Variants in SEMA4C observed in about 807,000 individuals in gnomAD.
SEMA4C encodes semaphorin-4C.
SEMA4C carries 19 observed loss-of-function variants against 89.0 expected under a neutral mutation model. That is an observed-to-expected ratio of 0.21 (90% CI 0.15 to 0.31). The LOEUF is 0.31. SEMA4C is among the 10% of genes least tolerant of loss of function. SEMA4C has a pLI of 1.00. For missense variants in SEMA4C, 811 were observed against 1,107.0 expected (o/e 0.73, Z 3.79); for synonymous variants, 428 against 472.7 (o/e 0.91, Z 1.23).
chr2:96,861,922 G>C lies in SEMA4C; in HGVS notation c.1444-28C>G. On this transcript the variant is annotated intron_variant, in intron 12 of 14. Transcript: ENST00000305476. This position sits in a 1 kb window ranked among gnomAD's most constrained non-coding sequence, Gnocchi z 7.8. ...GCGAGAAAAGCGGGGCGCAGGAGGG[G>C]GGTCGGCCAGGGCCACACCACGGGA... The C allele has an allele frequency of 6.3e-7, 1 of 1,579,218 alleles. No homozygotes were observed. Among genetic ancestry groups the C allele is most frequent in the Non-Finnish European group, 8.6e-7 (1 of 1,163,980 alleles).
chr2:96,860,991 T>C lies in SEMA4C; in HGVS notation c.2137A>G (p.Lys713Glu). ...CGGAAGGGGGGACTGGTGGGCTCCTTGGGCAGCTCCAGGGGGTACACCAAG... is the reference window on the plus strand; with the variant it reads ...CGGAAGGGGGGACTGGTGGGCTCCTCGGGCAGCTCCAGGGGGTACACCAAG... ...RTLVYPLELP[K>E]EPTSPPFRPC... The change falls in exon 15 of 15, where the codon AAG (lysine) becomes GAG (glutamate). Residue 713 changes from lysine (K) to glutamate (E), a missense_variant. By Grantham distance (56) the Lys-to-Glu change is moderately conservative (BLOSUM62 1). Coordinates refer to ENST00000305476, the MANE Select transcript of SEMA4C (RefSeq NM_017789.5). 1 of 1,612,928 alleles carries C rather than the reference T, an allele frequency of 6.2e-7. No individual in the cohort carries two copies. The highest frequency in any genetic ancestry group is 8.5e-7 in the Non-Finnish European group (1 of 1,179,998).
Position 96,861,484 on chromosome 2 carries a change from G to C in SEMA4C, c.1673-29C>G, listed in dbSNP as rs1360855046. On this transcript the variant is annotated intron_variant, in intron 14 of 14. Transcript: ENST00000305476. The surrounding 1 kb of genome is among the most constrained non-coding windows in gnomAD (Gnocchi z 7.8). ...TAGTGGCAGAGAAAACAGAGTGCAT[G>C]TTAGTGCAGGAAAGCAGGGCTGGGG... 6.2e-7 allele frequency: 1 copy of C among 1,611,336 alleles called. No homozygotes were observed. Among genetic ancestry groups the C allele is most frequent in the Non-Finnish European group, 8.5e-7 (1 of 1,178,036 alleles).
Position 96,864,846 on chromosome 2 carries a change from TTCC to T in SEMA4C, c.818_820del (p.Arg273del). On this transcript the variant is annotated inframe_deletion, in exon 9 of 15. Transcript: ENST00000305476. This position sits in a 1 kb window ranked among gnomAD's most constrained non-coding sequence, Gnocchi z 6.3. ...CCGCGCCTTCAGGAACGTGGTCCAC[TTCC>T]TCTGCAGGGTCCGTGCGCCCCCCAT... 6.2e-7 allele frequency: 1 copy of T among 1,613,650 alleles called. No individual in the cohort carries two copies. Among genetic ancestry groups the T allele is most frequent in the Non-Finnish European group, 8.5e-7 (1 of 1,179,956 alleles).
rs546894599 is a variant in SEMA4C at position 96,864,062 on chromosome 2, C to T, written c.1194G>A (p.Pro398=). 1.9e-5 allele frequency: 30 copies of T among 1,613,244 alleles called. No homozygotes were observed. The highest frequency in any genetic ancestry group is 3.3e-5 in the South Asian group (3 of 91,082). The part of the protein sequence containing the change: ...DNILNFVKKH[P]LMEEQVGPRW... ...GAGGCCCCACCTGCTCCTCCATCAG[C>T]GGGTGCTTCTTGACGAAGTTGAGGA... The change falls in exon 11 of 15, where the codon CCG becomes CCA. Residue 398 remains proline, a synonymous_variant. Transcript: ENST00000305476. This position sits in a 1 kb window ranked among gnomAD's most constrained non-coding sequence, Gnocchi z 6.3.
chr2:96,864,575 A>G lies in SEMA4C; in HGVS notation c.962+130T>C, dbSNP rs1169040407. The G allele has an allele frequency of 4.4e-6, 6 of 1,366,242 alleles. No individual in the cohort carries two copies. Among genetic ancestry groups the G allele is most frequent in the Non-Finnish European group, 6.0e-6 (6 of 1,000,958 alleles). The allele number at this position is 1,366,242 out of a possible 1,614,324, so 84.6% of individuals were successfully genotyped here. A position where few individuals can be genotyped will look rare whatever the true frequency, so the allele number is the denominator to read the frequency against. On this transcript the variant is annotated intron_variant, in intron 9 of 14. Coordinates refer to ENST00000305476, the MANE Select transcript of SEMA4C (RefSeq NM_017789.5). This position sits in a 1 kb window ranked among gnomAD's most constrained non-coding sequence, Gnocchi z 6.3. ...AGCTCTGAAAGGGGCAGGTGCCAGC[A>G]TTCTCCTTGGCTTCTGGACACCTGG...
Position 96,865,624 on chromosome 2 carries a change from G to A in SEMA4C, c.420+42C>T, listed in dbSNP as rs531967687. On this transcript the variant is annotated intron_variant, in intron 5 of 14. Transcript: ENST00000305476. Reference sequence around the variant, plus strand: ...CACGAGTCCAGAGAAGGGTGAGGAGGGCGGGGGGCTGGGGACACCGAGGTA... The same window carrying A: ...CACGAGTCCAGAGAAGGGTGAGGAGAGCGGGGGGCTGGGGACACCGAGGTA... 64 of 1,600,782 alleles carry A rather than the reference G, an allele frequency of 4.0e-5. No homozygotes were observed. In the East Asian group the frequency reaches 1.4e-3, roughly 36 times the overall value.
chr2:96,867,739 C>G, intron 2 of SEMA4C, 39 bp downstream of exon 2: 3 of 1,591,230 alleles, frequency 1.9e-6, no homozygotes, highest in Non-Finnish European at 2.6e-6. Flanking sequence ...TCCTCAGCAG[C>G]CTGTCCCTGA....
rs758380843 is a variant in SEMA4C at position 96,865,526 on chromosome 2, G to T, written c.432C>A (p.Thr144=). Residue 144 remains threonine (T), a synonymous_variant, in exon 6 of 15, where the codon ACC becomes ACA. Transcript: ENST00000305476. The part of the protein sequence containing the change: ...QPKCTYVNML[T]FTLEHGEFED... ...CAAACTCTCCATGCTCCAAAGTGAA[G>T]GTGAGCATGTTCTAAGGACAGAGAG... is the stretch of plus-strand genomic sequence containing the variant. 1.9e-6 allele frequency: 3 copies of T among 1,613,974 alleles called. No homozygotes were observed. Among genetic ancestry groups the T allele is most frequent in the Non-Finnish European group, 2.5e-6 (3 of 1,179,932 alleles).
In SEMA4C at chr2:96,861,259, C is replaced by T; in HGVS notation, c.1869G>A (p.Gly623=). 3 of 1,609,918 alleles carry T rather than the reference C, an allele frequency of 1.9e-6. No individual in the cohort carries two copies. The highest frequency in any genetic ancestry group is 2.5e-6 in the Non-Finnish European group (3 of 1,179,624). The change falls in exon 15 of 15, where the codon GGG becomes GGA. Residue 623 remains glycine (G), a synonymous_variant. Transcript: ENST00000305476. The surrounding 1 kb of genome is among the most constrained non-coding windows in gnomAD (Gnocchi z 7.8). The part of the protein sequence containing the change: ...VVMAAQPRHA[G]AYHCFSEEQG... ...GCTCCTCTGAAAAGCAGTGGTAGGC[C>T]CCGGCATGGCGGGGCTGGGCAGCCA...
intron 2 of SEMA4C, chr2:96,866,961 A>T (rs2080086973): frequency 3.7e-6 from 1 of 271,346 alleles, no homozygotes; most frequent in South Asian, 3.9e-5. Context: ...GGATGGCAGG[A>T]GGGGAGCTGG....
rs1468128800 is a variant in SEMA4C, at chr2:96,859,990, CT to C, written c.*635del. ...GGCCAAGTGGGAGGCCCCACCCACC[CT>C]TCCCCCCAAACACACAGGAGGCTCC... On this transcript the variant is annotated 3_prime_UTR_variant, in exon 15 of 15. Transcript: ENST00000305476. 7.1e-6 allele frequency: 1 copy of C among 141,212 alleles called. No homozygotes were observed. The highest frequency in any genetic ancestry group is 1.6e-5 in the Non-Finnish European group (1 of 63,984). The allele number at this position is 141,212 out of a possible 1,614,324, so 8.7% of individuals were successfully genotyped here.
In SEMA4C at chr2:96,860,494, C is replaced by G. The variant is rs1329814293; in HGVS notation, c.*132G>C. ...TGCTGAGCAGAGCAGGTCCTCATGG[C>G]CGGGTGGGTGCTGGGCAGTATCTGT... On this transcript the variant is annotated 3_prime_UTR_variant, in exon 15 of 15. Transcript: ENST00000305476. 6.2e-6 allele frequency: 5 copies of G among 809,192 alleles called. No homozygotes were observed. Among genetic ancestry groups the G allele is most frequent in the African/African-American group, 1.7e-5 (1 of 57,810 alleles). The allele number at this position is 809,192 out of a possible 1,614,324, so 50.1% of individuals were successfully genotyped here.
In SEMA4C at chr2:96,869,956, G is replaced by A; in HGVS notation, c.-118C>T. 1 of 986,818 alleles carries A rather than the reference G, an allele frequency of 1.0e-6. No individual in the cohort carries two copies. 61.1% of individuals were successfully genotyped at this position (986,818 alleles called of 1,614,324 possible). A position where few individuals can be genotyped will look rare whatever the true frequency, so the allele number is the denominator to read the frequency against. On this transcript the variant is annotated 5_prime_UTR_variant, in exon 1 of 15. Transcript: ENST00000305476. ...CGTCCACCCCTGCCCCCGCGTCGCC[G>A]CCTGCCCGCGCTCGCCCGCCAGCCC...
At position 96,860,933 on chromosome 2, in the gene SEMA4C, T is replaced by A; in HGVS notation, c.2195A>T (p.Asp732Val). The stretch of plus-strand genomic sequence containing the variant: ...ATCTGAATAGTAGTAACCGACAGGA[T>A]CCCAAAGTTTCTCATCTGGTTCAGG... ...PCPEPDEKLW[D>V]PVGYYYSDGS... The change falls in exon 15 of 15, where the codon GAT becomes GTT. Residue 732 changes from aspartate (D) to valine (V), a missense_variant. Physicochemically the swap from Asp to Val is radical, Grantham distance 152. Coordinates refer to ENST00000305476, the MANE Select transcript of SEMA4C (RefSeq NM_017789.5). 1 of 1,613,048 alleles carries A rather than the reference T, an allele frequency of 6.2e-7. No homozygotes were observed. The highest frequency in any genetic ancestry group is 1.3e-5 in the African/African-American group (1 of 75,028).
intron 3 of SEMA4C, 77 bp downstream of exon 3, chr2:96,866,206 A>G (rs2080066968): frequency 1.3e-6 from 2 of 1,516,546 alleles, no homozygotes; most frequent in Admixed American, 2.1e-5. Context: ...AGGCTGAGGG[A>G]CCACCTAGCC....
At position 96,864,349 on chromosome 2, in the gene SEMA4C, G is replaced by A. The variant is rs934854415; in HGVS notation, c.996C>T (p.Tyr332=). 1 of 1,613,930 alleles carries A rather than the reference G, an allele frequency of 6.2e-7. No homozygotes were observed. The highest frequency in any genetic ancestry group is 1.1e-5 in the South Asian group (1 of 91,082). ...GDMYLSAICE[Y]QLEEIQRVFE... ...ACACCCGCTGGATCTCTTCCAACTG[G>A]TACTCACAGATGGCCGACAGGTACA... Residue 332 remains tyrosine (Y), a synonymous_variant, in exon 10 of 15, where the codon TAC becomes TAT. Transcript: ENST00000305476. The surrounding 1 kb of genome is among the most constrained non-coding windows in gnomAD (Gnocchi z 6.3).
At chr2:96,866,588 G>T in intron 2 of SEMA4C, 157 bp from the exon 3 acceptor site, 1 of 1,050,228 alleles carries the variant, frequency 9.5e-7, no homozygotes, top group Non-Finnish European at 1.4e-6. Flanking sequence ...CTTTGGCCCT[G>T]ACAGCCCCAC....
At position 96,865,868 on chromosome 2, in the gene SEMA4C, T is replaced by C. The variant is rs2080058170; in HGVS notation, c.320A>G (p.Gln107Arg). The part of the protein sequence containing the change: ...TECIQKGKNN[Q>R]TECFNFIRFL... The stretch of plus-strand genomic sequence containing the variant: ...CAGGAGCAGCGTCCAAGCACCCACC[T>C]GGTTGTTCTTCCCTTTCTGGATACA... Residue 107 changes from glutamine to arginine, a missense_variant and splice_region_variant, in exon 4 of 15, where the codon CAG (glutamine) becomes CGG (arginine). Gln to Arg is a conservative substitution (Grantham distance 43). Around this residue, in one of 4 missense-constraint regions of SEMA4C, gnomAD observed 119 missense variants for 152.7 expected, o/e 0.78. Transcript: ENST00000305476. 6.2e-7 allele frequency: 1 copy of C among 1,614,090 alleles called. No homozygotes were observed. The highest frequency in any genetic ancestry group is 8.5e-7 in the Non-Finnish European group (1 of 1,179,998).
rs771129552 is a variant in SEMA4C, at chr2:96,864,145, T to C, written c.1111A>G (p.Ile371Val). The C allele has an allele frequency of 3.1e-6, 5 of 1,592,150 alleles. No homozygotes were observed. Among genetic ancestry groups the C allele is most frequent in the Non-Finnish European group, 4.3e-6 (5 of 1,170,120 alleles). The part of the protein sequence containing the change: ...PVPSPRPGSC[I>V]NNWHRRHGYT... ...CCGTGGCGCCGATGCCAGTTGTTAA[T>C]GCACTGGGGGCAGGGTGTGGGGGGC... The change falls in exon 11 of 15, where the codon ATT (isoleucine) becomes GTT (valine). Residue 371 changes from isoleucine (I) to valine (V), a missense_variant. Coordinates refer to ENST00000305476, the MANE Select transcript of SEMA4C (RefSeq NM_017789.5). This position sits in a 1 kb window ranked among gnomAD's most constrained non-coding sequence, Gnocchi z 6.3.
Sources: gnomAD v4.1 joint callset for allele counts on GRCh38, gnomAD v4.1.1 for gene constraint, gnomAD v4.1.1 regional missense constraint, Gnocchi (gnomAD v3.1) non-coding constraint, MANE v1.5 for transcripts, NCBI Gene and HGNC (gene_info 2026-07-23, HGNC 2026-07-21) for gene names.